KAZN: variants seen among roughly 807,000 people sequenced by gnomAD.
The protein encoded by KAZN is kazrin.
A neutral mutation model predicts 87.4 loss-of-function variants in KAZN; 40 were observed. That is an observed-to-expected ratio of 0.46 (90% CI 0.36 to 0.60). The LOEUF (loss-of-function observed/expected upper bound fraction) is 0.60. KAZN is among the 20% of genes least tolerant of loss of function. KAZN has a pLI of 0.00. For synonymous variants in KAZN, 466 were observed against 458.3 expected (o/e 1.02, Z -0.22); for missense variants, 898 against 1,073.9 (o/e 0.84, Z 2.29).
At chr1:14,144,459 TA>T (rs1397223365) in intron 1 of KAZN, among the ~76,000 whole-genome samples, 5 of 152,026 alleles carry the variant, frequency 3.3e-5, no homozygotes, top group Non-Finnish European at 5.9e-5. Context: ...AGTTTATTAT[TA>T]TTTTTTTTTG....
chr1:14,952,240 CTGTG>C (rs56104480), intron 1 of KAZN, among the ~76,000 whole-genome samples: 12,589 of 143,908 alleles, frequency 0.087, 654 homozygotes, highest in Non-Finnish European at 0.11. Flanking sequence ...TTCTTTCCCA[CTGTG>C]TGTGTGTGTG....
intron 1 of KAZN, among the ~76,000 whole-genome samples, chr1:13,958,770 C>T (rs1342137970): frequency 6.6e-6 from 1 of 151,774 alleles, no homozygotes; most frequent in Admixed American, 6.6e-5. Flanking sequence ...CCTGGAAGAG[C>T]CAAAGGGCAT....
At chr1:14,292,154 A>G (rs1653753664) in intron 2 of KAZN, among the ~76,000 whole-genome samples, 2 of 152,170 alleles carry the variant, frequency 1.3e-5, no homozygotes, top group African/African-American at 2.4e-5. Context: ...GTATGTGTGT[A>G]TGTCATATGT....
intron 2 of KAZN, among the ~76,000 whole-genome samples, chr1:14,500,796 A>G (rs1015327257): frequency 1.3e-5 from 2 of 152,174 alleles, no homozygotes; most frequent in Non-Finnish European, 2.9e-5. Flanking sequence ...AATAAAACAG[A>G]GTATGAGGAA....
At chr1:14,461,308 G>C (rs903174137) in intron 2 of KAZN, among the ~76,000 whole-genome samples, 1 of 152,114 alleles carries the variant, frequency 6.6e-6, no homozygotes, top group African/African-American at 2.4e-5. Context: ...GAGGGACCCA[G>C]TGAGAGATGA....
chr1:15,065,994 C>CTGCG, intron 8 of KAZN: 2 of 1,338,218 alleles, frequency 1.5e-6, no homozygotes, highest in Non-Finnish European at 1.9e-6. Context: ...GCGTCGCCAC[C>CTGCG]TCTGTAATTG....
At chr1:14,284,382 G>A (rs1653080711) in intron 2 of KAZN, among the ~76,000 whole-genome samples, 2 of 152,140 alleles carry the variant, frequency 1.3e-5, no homozygotes, top group African/African-American at 4.8e-5. Flanking sequence ...GGAGAGGAAA[G>A]GAGCTTCCCA....
At chr1:14,632,912 TG>T (rs549672683) in intron 1 of KAZN, among the ~76,000 whole-genome samples, 66 of 125,246 alleles carry the variant, frequency 5.3e-4, no homozygotes, top group African/African-American at 1.6e-3. Context: ...AAGGACAAAA[TG>T]CACTTTATTT....
At chr1:13,912,695 C>G (rs893812213) in intron 1 of KAZN, among the ~76,000 whole-genome samples, 1 of 152,118 alleles carries the variant, frequency 6.6e-6, no homozygotes. Context: ...CCTCTGCCTC[C>G]CAGGTTCAAG....
chr1:15,062,026 C>G (rs1273863698), intron 6 of KAZN: 2 of 152,192 alleles, frequency 1.3e-5, no homozygotes, highest in Non-Finnish European at 2.9e-5. Context: ...CTGCACCATT[C>G]TCATCCCAGT....
chr1:13,928,108 G>T (rs1452691691), intron 1 of KAZN, among the ~76,000 whole-genome samples: 1 of 152,254 alleles, frequency 6.6e-6, no homozygotes, highest in Admixed American at 6.5e-5. Flanking sequence ...GTGTTTGTAT[G>T]CAGTGGTCAG....
At chr1:14,176,451 A>G (rs950124059) in intron 1 of KAZN, among the ~76,000 whole-genome samples, 2 of 152,214 alleles carry the variant, frequency 1.3e-5, no homozygotes, top group South Asian at 4.1e-4. Flanking sequence ...ACAGCTGCCC[A>G]GGGCAGGGTA....
chr1:14,432,398 T>C (rs1666124551), intron 2 of KAZN, among the ~76,000 whole-genome samples: 1 of 152,180 alleles, frequency 6.6e-6, no homozygotes, highest in Non-Finnish European at 1.5e-5. Flanking sequence ...CCAGACATGA[T>C]TCAGTCCACC....
At chr1:14,743,616 T>A (rs940863311) in intron 1 of KAZN, among the ~76,000 whole-genome samples, 4 of 152,094 alleles carry the variant, frequency 2.6e-5, no homozygotes, top group Admixed American at 2.6e-4. Flanking sequence ...TCGCTGGCAT[T>A]TGGGAGACCC....
At chr1:14,696,035 A>T (rs956633963) in intron 1 of KAZN, among the ~76,000 whole-genome samples, 1 of 152,198 alleles carries the variant, frequency 6.6e-6, no homozygotes, top group Non-Finnish European at 1.5e-5. Flanking sequence ...TACTATATTA[A>T]TTTTGTATGC....
chr1:13,928,318 G>A (rs1033173616), intron 1 of KAZN, among the ~76,000 whole-genome samples: 13 of 152,182 alleles, frequency 8.5e-5, no homozygotes, highest in South Asian at 2.1e-4. Context: ...TGACAGTGGT[G>A]ACATTGATGA....
chr1:15,074,852 G>T (rs1235437630), intron 8 of KAZN, among the ~76,000 whole-genome samples: 1 of 152,222 alleles, frequency 6.6e-6, no homozygotes, highest in Non-Finnish European at 1.5e-5. Context: ...TACTAGGTCA[G>T]AGTGTGGCTG....
intron 2 of KAZN, among the ~76,000 whole-genome samples, chr1:14,258,055 A>C (rs1650689333): frequency 1.3e-5 from 2 of 150,958 alleles, no homozygotes; most frequent in Admixed American, 1.3e-4. Flanking sequence ...AGGCATTTAT[A>C]TGAAGTGCAA....
intron 1 of KAZN, among the ~76,000 whole-genome samples, chr1:14,945,574 C>T (rs1039221951): frequency 2.0e-5 from 3 of 152,232 alleles, no homozygotes; most frequent in Admixed American, 6.5e-5. Flanking sequence ...CTCCCCGGCC[C>T]GGCTCCAGCT....
Sources: allele counts gnomAD v4.1 joint callset (sites outside exome capture counted in the v4.1 genomes callset), GRCh38; gene constraint gnomAD v4.1.1; transcripts MANE v1.5; gene names NCBI Gene and HGNC (gene_info 2026-07-23, HGNC 2026-07-21).